RIT2: variants seen among roughly 807,000 people sequenced by gnomAD.
RIT2 encodes GTP-binding protein Rit2.
In RIT2, 24 loss-of-function variants were observed where a neutral mutation model predicts 23.7. The ratio of observed to expected loss-of-function variants is 1.01; its 90% CI spans 0.73 to 1.43. RIT2 has a LOEUF of 1.43. RIT2 is among the 40% of genes most tolerant of loss of function. RIT2 has a pLI of 0.00. For missense variants in RIT2, 236 were observed against 266.9 expected, an observed-to-expected ratio of 0.88 and a Z score of 0.81; for synonymous variants, 107 against 91.1, an observed-to-expected ratio of 1.17 and a Z score of -0.99.
chr18:42,795,314 C>T (rs1293612647), intron 4 of RIT2, among the ~76,000 whole-genome samples: 1 of 152,158 alleles, frequency 6.6e-6, no homozygotes, highest in Non-Finnish European at 1.5e-5. Flanking sequence ...TCCGGGTGGG[C>T]GTGGGCTTGG....
intron 4 of RIT2, among the ~76,000 whole-genome samples, chr18:42,853,721 C>T (rs1907114458): frequency 6.6e-6 from 1 of 152,048 alleles, no homozygotes; most frequent in Admixed American, 6.6e-5. Flanking sequence ...TAGTAAAGTC[C>T]TGTGTACATG....
At chr18:43,112,684 G>T (rs1207570032) in intron 1 of RIT2, among the ~76,000 whole-genome samples, 2 of 152,134 alleles carry the variant, frequency 1.3e-5, no homozygotes. Flanking sequence ...CAGGAGCATT[G>T]CTTGAGGCCA....
chr18:43,082,836 C>T (rs1166617256), intron 1 of RIT2, among the ~76,000 whole-genome samples: 1 of 152,078 alleles, frequency 6.6e-6, no homozygotes, highest in Admixed American at 6.6e-5. Context: ...CAAGAATGCC[C>T]TCTCTCACCA....
chr18:43,097,213 T>C (rs1913574627), intron 1 of RIT2, among the ~76,000 whole-genome samples: 1 of 151,856 alleles, frequency 6.6e-6, no homozygotes. Context: ...GGTGTGAGCA[T>C]TTGTATTTCT....
chr18:42,869,398 T>C (rs1907557841), intron 4 of RIT2, among the ~76,000 whole-genome samples: 1 of 152,216 alleles, frequency 6.6e-6, no homozygotes, highest in South Asian at 2.1e-4. Context: ...CACGGATCAG[T>C]ACAGGTCCAT....
intron 1 of RIT2, among the ~76,000 whole-genome samples, chr18:43,108,007 CAAAA>C (rs5824469): frequency 1.5e-5 from 2 of 136,276 alleles, no homozygotes; most frequent in Non-Finnish European, 1.5e-5. Context: ...ACTAAAAATA[CAAAA>C]AAAAAAAAAA....
At chr18:42,931,738 A>G (rs1477671872) in intron 3 of RIT2, among the ~76,000 whole-genome samples, 1 of 152,160 alleles carries the variant, frequency 6.6e-6, no homozygotes, top group Non-Finnish European at 1.5e-5. Flanking sequence ...TCTTGGAAGA[A>G]GCCAGCATAA....
intron 1 of RIT2, among the ~76,000 whole-genome samples, chr18:43,090,389 G>A (rs750145707): frequency 5.9e-5 from 9 of 152,144 alleles, no homozygotes; most frequent in Non-Finnish European, 1.0e-4. Flanking sequence ...TGTTGGGGTC[G>A]TGGAGAAAAA....
At chr18:43,012,705 G>C (rs567700735) in intron 2 of RIT2, among the ~76,000 whole-genome samples, 12 of 144,536 alleles carry the variant, frequency 8.3e-5, no homozygotes, top group South Asian at 6.7e-4. Flanking sequence ...TGATTATAGA[G>C]AGTAATTTTT....
At chr18:43,069,909 C>A (rs1477914768) in intron 1 of RIT2, among the ~76,000 whole-genome samples, 1 of 152,008 alleles carries the variant, frequency 6.6e-6, no homozygotes, top group Non-Finnish European at 1.5e-5. Context: ...CTCTCTCTAC[C>A]CCTCTTGTCG....
In RIT2 at chr18:42,933,910, C is replaced by T. The variant is rs938398312; in HGVS notation, c.235-10147G>A. Reference sequence around the variant, plus strand: ...ATGCATGCCTGTAATCCCAGCTACTCGGGAGGCTGAAGCAGGAGAATCGCT... The same window carrying T: ...ATGCATGCCTGTAATCCCAGCTACTTGGGAGGCTGAAGCAGGAGAATCGCT... On this transcript the variant is annotated intron_variant, in intron 3 of 4. Coordinates refer to ENST00000326695, the MANE Select transcript of RIT2 (RefSeq NM_002930.4). 2.6e-4 allele frequency among the ~76,000 whole-genome samples: 40 copies of T among 151,126 alleles called. 1 individual carries two copies. Among genetic ancestry groups the T allele is most frequent in the Admixed American group, 2.2e-3 (34 of 15,126 alleles).
intron 3 of RIT2, among the ~76,000 whole-genome samples, chr18:42,947,027 C>G (rs1208607432): frequency 6.6e-6 from 1 of 152,070 alleles, no homozygotes. Flanking sequence ...TTTCTTTTTA[C>G]ATAACTTAGA....
chr18:42,761,690 A>ATTG (rs56913849), intron 4 of RIT2, among the ~76,000 whole-genome samples: 2,347 of 152,178 alleles, frequency 0.015, 76 homozygotes, highest in African/African-American at 0.054. Context: ...AATTATTATT[A>ATTG]TTTTTGAGAC....
intron 1 of RIT2, among the ~76,000 whole-genome samples, chr18:43,094,524 T>C (rs556094003): frequency 6.2e-4 from 95 of 152,090 alleles, no homozygotes; most frequent in African/African-American, 2.2e-3. Context: ...ATACAGAAAA[T>C]GGCATTGAGT....
intron 3 of RIT2, among the ~76,000 whole-genome samples, chr18:42,961,136 T>C (rs1467172854): frequency 6.6e-6 from 1 of 152,130 alleles, no homozygotes; most frequent in Non-Finnish European, 1.5e-5. Context: ...CATAAAAGAA[T>C]AAAAAGTTGA....
intron 4 of RIT2, among the ~76,000 whole-genome samples, chr18:42,880,506 C>G (rs1907859862): frequency 6.6e-6 from 1 of 152,100 alleles, no homozygotes; most frequent in South Asian, 2.1e-4. Context: ...TTTGCCTTTG[C>G]TTGTGGCATC....
chr18:42,850,139 G>A (rs896139915), intron 4 of RIT2, among the ~76,000 whole-genome samples: 5 of 148,014 alleles, frequency 3.4e-5, no homozygotes, highest in Non-Finnish European at 6.0e-5. Flanking sequence ...ATTAATAAAA[G>A]GTTAATGAAT....
intron 4 of RIT2, among the ~76,000 whole-genome samples, chr18:42,753,407 T>G (rs962444516): frequency 6.6e-6 from 1 of 152,124 alleles, no homozygotes; most frequent in South Asian, 2.1e-4. Flanking sequence ...TTGCTAACCT[T>G]GAGTGAGGGA....
chr18:43,038,129 C>T (rs1912025579), intron 1 of RIT2, among the ~76,000 whole-genome samples: 1 of 147,262 alleles, frequency 6.8e-6, no homozygotes, highest in Non-Finnish European at 1.5e-5. Flanking sequence ...AGTGTGAACC[C>T]GAGAGGCAGA....
Sources: allele counts gnomAD v4.1 joint callset (sites outside exome capture counted in the v4.1 genomes callset), GRCh38; gene constraint gnomAD v4.1.1; transcripts MANE v1.5; gene names NCBI Gene and HGNC (gene_info 2026-07-23, HGNC 2026-07-21).